Variants in CCDC91 observed in about 807,000 individuals in gnomAD.
CCDC91 encodes coiled-coil domain containing 91, also known as coiled-coil domain-containing protein 91.
Under a neutral mutation model 63.2 loss-of-function variants are expected in CCDC91, and 48 were observed. The ratio of observed to expected loss-of-function variants is 0.76; its 90% CI spans 0.60 to 0.97. CCDC91 has a LOEUF of 0.97. Ranked by LOEUF, CCDC91 falls within the 50% of genes least tolerant of loss-of-function variation. The pLI is 0.00. For synonymous variants in CCDC91, 167 were observed against 165.8 expected, an observed-to-expected ratio of 1.01 and a Z score of -0.06; for missense variants, 500 against 494.6, an observed-to-expected ratio of 1.01 and a Z score of -0.10.
chr12:28,391,158 A>G (rs1158701516), intron 7 of CCDC91, 146 bp from the exon 8 acceptor site: 7 of 516,916 alleles, frequency 1.4e-5, no homozygotes, highest in African/African-American at 3.9e-5. Context: ...TTATATATAA[A>G]TGTGCTTCAG....
intron 8 of CCDC91, among the ~76,000 whole-genome samples, chr12:28,410,938 GT>G (rs1251310397): frequency 2.0e-5 from 3 of 151,986 alleles, no homozygotes; most frequent in Non-Finnish European, 4.4e-5. Flanking sequence ...ATTCCCTCAT[GT>G]TTTTTTGCTT....
At chr12:28,340,361 T>C (rs1293484074) in intron 6 of CCDC91, among the ~76,000 whole-genome samples, 2 of 152,196 alleles carry the variant, frequency 1.3e-5, no homozygotes, top group African/African-American at 4.8e-5. Flanking sequence ...TCATGCAACC[T>C]CTGGAAAACC....
intron 11 of CCDC91, among the ~76,000 whole-genome samples, chr12:28,478,597 C>G (rs1951254900): frequency 6.6e-6 from 1 of 152,058 alleles, no homozygotes; most frequent in African/African-American, 2.4e-5. Context: ...GCAACAAAAG[C>G]CAAAATTGAC....
At chr12:28,340,007 TATATAGTACC>T (rs1231343686) in intron 6 of CCDC91, among the ~76,000 whole-genome samples, 5 of 152,226 alleles carry the variant, frequency 3.3e-5, no homozygotes, top group South Asian at 4.1e-4. Flanking sequence ...CTATATTTTG[TATATAGTACC>T]AGTGGTTGCT....
At chr12:28,334,863 G>C (rs183922838) in intron 6 of CCDC91, among the ~76,000 whole-genome samples, 1 of 151,934 alleles carries the variant, frequency 6.6e-6, no homozygotes, top group Non-Finnish European at 1.5e-5. Flanking sequence ...ATTAGCATAT[G>C]CCCTAGAGTG....
intron 7 of CCDC91, among the ~76,000 whole-genome samples, chr12:28,378,658 A>G (rs112194818): frequency 1.3e-5 from 2 of 152,118 alleles, no homozygotes; most frequent in Admixed American, 1.3e-4. Context: ...AAATAAATTT[A>G]TAGTTTCAGT....
intron 5 of CCDC91, 86 bp from the exon 6 acceptor site, chr12:28,307,559 A>G (rs1938874523): frequency 3.0e-6 from 2 of 660,740 alleles, no homozygotes; most frequent in Admixed American, 6.4e-5. Flanking sequence ...TCTCTGACAA[A>G]TGTTTTCTGA....
chr12:28,291,949 G>A (rs1219929513), intron 3 of CCDC91, among the ~76,000 whole-genome samples: 1 of 152,130 alleles, frequency 6.6e-6, no homozygotes, highest in African/African-American at 2.4e-5. Flanking sequence ...CAAGGCTCTT[G>A]TCTCCTTTGC....
chr12:28,452,491 C>G lies in CCDC91; in HGVS notation c.938C>G (p.Ala313Gly). The change falls in exon 11 of 13, where the codon GCA becomes GGA. Residue 313 changes from alanine to glycine, a missense_variant. Ala to Gly is a moderately conservative substitution (Grantham distance 60, BLOSUM62 0). Transcript: ENST00000536442. Reference sequence around the variant, plus strand: ...TTTATTTTGAAGCTTGAAAAAGAAGCAGTGAAGGATGCAGTTTTAAAAGTC... The same window carrying G: ...TTTATTTTGAAGCTTGAAAAAGAAGGAGTGAAGGATGCAGTTTTAAAAGTC... The part of the protein sequence containing the change: ...LVSAAKLEKE[A>G]VKDAVLKVVE... 1 of 1,560,770 alleles carries G rather than the reference C, an allele frequency of 6.4e-7. No homozygotes were observed. Among genetic ancestry groups the G allele is most frequent in the Non-Finnish European group, 8.7e-7 (1 of 1,153,176 alleles).
chr12:28,311,896 T>C (rs779409834), intron 6 of CCDC91, among the ~76,000 whole-genome samples: 2 of 152,002 alleles, frequency 1.3e-5, no homozygotes, highest in African/African-American at 2.4e-5. Context: ...GTTTGGGATA[T>C]ATGAGGCTAA....
chr12:28,316,556 C>CTTTTTTTTTTTTTTTTTTTT (rs67889099), intron 6 of CCDC91, among the ~76,000 whole-genome samples: 1 of 28,484 alleles, frequency 3.5e-5, no homozygotes, highest in African/African-American at 1.4e-4. Context: ...CAACTCACAC[C>CTTTTTTTTTTTTTTTTTTTT]TTTTTTTTTT....
At chr12:28,246,197 G>T (rs1038734449) in intron 1 of CCDC91, among the ~76,000 whole-genome samples, 1 of 152,072 alleles carries the variant, frequency 6.6e-6, no homozygotes, top group Non-Finnish European at 1.5e-5. Flanking sequence ...ATGCTTTTTG[G>T]TAGTAAATAT....
intron 8 of CCDC91, among the ~76,000 whole-genome samples, chr12:28,418,646 A>G (rs917298516): frequency 1.3e-5 from 2 of 152,152 alleles, no homozygotes; most frequent in African/African-American, 4.8e-5. Context: ...TAATACTGTA[A>G]AATAGATTTC....
At chr12:28,213,565 C>G (rs1399160384) in intron 1 of CCDC91, among the ~76,000 whole-genome samples, 3 of 152,154 alleles carry the variant, frequency 2.0e-5, no homozygotes, top group African/African-American at 4.8e-5. Context: ...TTAGTTTGCT[C>G]CCATCATGAA....
chr12:28,237,235 TACAC>T (rs58134900), intron 1 of CCDC91, among the ~76,000 whole-genome samples: 15 of 143,024 alleles, frequency 1.0e-4, no homozygotes, highest in African/African-American at 2.8e-4. Context: ...GTATTACACA[TACAC>T]ACACACACAC....
At chr12:28,288,797 G>T (rs1177382824) in intron 3 of CCDC91, among the ~76,000 whole-genome samples, 1 of 152,084 alleles carries the variant, frequency 6.6e-6, no homozygotes, top group Non-Finnish European at 1.5e-5. Context: ...ATTCAGATGT[G>T]GATATGTCTA....
chr12:28,349,640 G>A (rs1943048283), intron 6 of CCDC91, among the ~76,000 whole-genome samples: 1 of 152,078 alleles, frequency 6.6e-6, no homozygotes, highest in African/African-American at 2.4e-5. Flanking sequence ...ACCTTCTCTA[G>A]AGAAGGTCCA....
intron 8 of CCDC91, among the ~76,000 whole-genome samples, chr12:28,414,402 G>C (rs1426500272): frequency 6.6e-6 from 1 of 152,054 alleles, no homozygotes; most frequent in African/African-American, 2.4e-5. Context: ...CTTGAAAGTA[G>C]ATATAGATTA....
chr12:28,300,528 T>C (rs1404518602), intron 3 of CCDC91, among the ~76,000 whole-genome samples: 3 of 151,536 alleles, frequency 2.0e-5, no homozygotes, highest in Admixed American at 2.0e-4. Context: ...TAATATAGTT[T>C]AATTTAGTAT....
Sources: allele counts gnomAD v4.1 joint callset (sites outside exome capture counted in the v4.1 genomes callset), GRCh38; gene constraint gnomAD v4.1.1; transcripts MANE v1.5; gene names NCBI Gene and HGNC (gene_info 2026-07-23, HGNC 2026-07-21).